The following SLC22A23 variants were observed in gnomAD, a reference collection of about 807,000 sequenced individuals.
The protein encoded by SLC22A23 is ion transporter protein.
SLC22A23 carries 26 observed loss-of-function variants against 61.0 expected under a neutral mutation model. The observed-to-expected ratio is 0.43, with a 90% CI of 0.31 to 0.59. The LOEUF (loss-of-function observed/expected upper bound fraction) is 0.59. SLC22A23 is among the 20% of genes least tolerant of loss of function. The pLI is 0.11. For synonymous variants in SLC22A23, 430 were observed against 413.9 expected, an observed-to-expected ratio of 1.04 and a Z score of -0.47; for missense variants, 796 against 934.7, an observed-to-expected ratio of 0.85 and a Z score of 1.94.
At position 3,392,206 on chromosome 6, in the gene SLC22A23, G is replaced by A. The variant is rs1181299907; in HGVS notation, c.913+17982C>T. ...GTGAAAAGTGGTACCCATGACTTCT[G>A]AGCAGTGACCTGAAGGGGAAGGAGT... On this transcript the variant is annotated intron_variant, in intron 3 of 9. Transcript: ENST00000406686. 1.1e-4 allele frequency among the ~76,000 whole-genome samples: 16 copies of A among 152,316 alleles called. No homozygotes were observed. The East Asian group carries it at 2.9e-3, about 28-fold the overall frequency.
At chr6:3,409,182 G>T (rs1769037748) in intron 3 of SLC22A23, among the ~76,000 whole-genome samples, 2 of 152,216 alleles carry the variant, frequency 1.3e-5, no homozygotes, top group Admixed American at 1.3e-4. Context: ...ACTGGAAAAG[G>T]TGATTTCTAA....
intron 3 of SLC22A23, among the ~76,000 whole-genome samples, chr6:3,376,225 A>C (rs1431569698): frequency 1.3e-5 from 2 of 152,164 alleles, no homozygotes; most frequent in Non-Finnish European, 2.9e-5. Flanking sequence ...AAGACTGGAC[A>C]CCCAGCTGCC....
In SLC22A23 at chr6:3,329,958, C is replaced by T. The variant is rs1303282426; in HGVS notation, c.914-5956G>A. ...AAACACAATTCCTGGAACAGGCCTG[C>T]GGAACGAGAAATCCTTCCAGAGGCC... On this transcript the variant is annotated intron_variant, in intron 3 of 9. Transcript: ENST00000406686. This position sits in a 1 kb window ranked among gnomAD's most constrained non-coding sequence, Gnocchi z 4.8. 3.3e-5 allele frequency among the ~76,000 whole-genome samples: 5 copies of T among 152,186 alleles called. No individual in the cohort carries two copies. Among genetic ancestry groups the T allele is most frequent in the African/African-American group, 4.8e-5 (2 of 41,438 alleles).
chr6:3,289,977 G>T (rs897747593), intron 5 of SLC22A23, 111 bp from the exon 6 acceptor site: 150 of 529,668 alleles, frequency 2.8e-4, no homozygotes, highest in East Asian at 5.9e-4. Context: ...AAGGGAGAGA[G>T]AAGCTTTTTT....
intron 1 of SLC22A23, among the ~76,000 whole-genome samples, chr6:3,444,243 G>A (rs1771766017): frequency 6.6e-6 from 1 of 152,088 alleles, no homozygotes; most frequent in Admixed American, 6.5e-5. Context: ...TTGTGTGGAG[G>A]GAGATCTGCT....
chr6:3,384,524 G>A (rs1205416166), intron 3 of SLC22A23, among the ~76,000 whole-genome samples: 1 of 152,216 alleles, frequency 6.6e-6, no homozygotes, highest in African/African-American at 2.4e-5. Flanking sequence ...GAACAGAGCT[G>A]CCTTTTGGTT....
At chr6:3,282,049 C>T (rs889592690) in intron 9 of SLC22A23, among the ~76,000 whole-genome samples, 1 of 152,178 alleles carries the variant, frequency 6.6e-6, no homozygotes, top group Non-Finnish European at 1.5e-5. Flanking sequence ...TGATGCCTAC[C>T]AACTGCCAGA....
chr6:3,453,508 T>C (rs1772249461), intron 1 of SLC22A23, among the ~76,000 whole-genome samples: 1 of 152,158 alleles, frequency 6.6e-6, no homozygotes, highest in African/African-American at 2.4e-5. Flanking sequence ...GGATTCTAAC[T>C]GGCTTGACAG....
At chr6:3,359,093 T>C (rs1765284373) in intron 3 of SLC22A23, among the ~76,000 whole-genome samples, 1 of 152,116 alleles carries the variant, frequency 6.6e-6, no homozygotes, top group Non-Finnish European at 1.5e-5. Context: ...CCTTTATTAA[T>C]TTAGTGCAAT....
chr6:3,415,231 T>C (rs887928821), intron 2 of SLC22A23, among the ~76,000 whole-genome samples: 2 of 152,178 alleles, frequency 1.3e-5, no homozygotes, highest in Non-Finnish European at 2.9e-5. Context: ...AAATGCTCTT[T>C]ATCACTCAAG....
At chr6:3,313,379 G>A (rs1037869651) in intron 4 of SLC22A23, 15 of 151,964 alleles carry the variant, frequency 9.9e-5, no homozygotes, top group Non-Finnish European at 2.2e-4. Flanking sequence ...GTTTCCTATT[G>A]ATCTCTCAAA....
Position 3,427,525 on chromosome 6 carries a change from A to C in SLC22A23, c.655-11670T>G, listed in dbSNP as rs1446816810. 2.0e-5 allele frequency among the ~76,000 whole-genome samples: 3 copies of C among 152,112 alleles called. No homozygotes were observed. The highest frequency in any genetic ancestry group is 4.4e-5 in the Non-Finnish European group (3 of 68,024). ...GGATGGAAGACGCCCTCCAGGGAGC[A>C]GCTGTGTTCATAGCTGGGAGATGCT... On this transcript the variant is annotated intron_variant, in intron 1 of 9. Coordinates refer to ENST00000406686, the MANE Select transcript of SLC22A23 (RefSeq NM_015482.2). This position sits in a 1 kb window ranked among gnomAD's most constrained non-coding sequence, Gnocchi z 4.3.
chr6:3,326,544 AAT>A (rs1763294018), intron 3 of SLC22A23, among the ~76,000 whole-genome samples: 1 of 152,200 alleles, frequency 6.6e-6, no homozygotes, highest in South Asian at 2.1e-4. Context: ...GGAGAAGTGG[AAT>A]AATTTTCTGA....
In SLC22A23 at chr6:3,270,748, C is replaced by G. The variant is rs983904711; in HGVS notation, c.*2307G>C. ...TTTTATTGTCATTTGAGGTGGAGATCAGAGATCATGACCAGAAGAGTGTGA... is the reference window on the plus strand; with the variant it reads ...TTTTATTGTCATTTGAGGTGGAGATGAGAGATCATGACCAGAAGAGTGTGA... On this transcript the variant is annotated 3_prime_UTR_variant, in exon 10 of 10. Transcript: ENST00000406686. 6.6e-6 allele frequency: 1 copy of G among 152,134 alleles called. No homozygotes were observed. Among genetic ancestry groups the G allele is most frequent in the African/African-American group, 2.4e-5 (1 of 41,340 alleles). 9.4% of individuals were successfully genotyped at this position (152,134 alleles called of 1,614,324 possible).
intron 3 of SLC22A23, among the ~76,000 whole-genome samples, chr6:3,399,246 A>AAATGTGC (rs1363872570): frequency 6.6e-6 from 1 of 152,138 alleles, no homozygotes; most frequent in African/African-American, 2.4e-5. Flanking sequence ...TCACATCATA[A>AAATGTGC]AATGTGCAAA....
chr6:3,372,464 G>A lies in SLC22A23; in HGVS notation c.913+37724C>T, dbSNP rs1766286162. Among the ~76,000 whole-genome samples the A allele has an allele frequency of 6.6e-6, 1 of 152,244 alleles. No individual in the cohort carries two copies. Among genetic ancestry groups the A allele is most frequent in the Admixed American group, 6.5e-5 (1 of 15,284 alleles). On this transcript the variant is annotated intron_variant, in intron 3 of 9. Coordinates refer to ENST00000406686, the MANE Select transcript of SLC22A23 (RefSeq NM_015482.2). The surrounding 1 kb of genome is among the most constrained non-coding windows in gnomAD (Gnocchi z 4.7). ...AGAGCAGGGCATGAGGAGAAGTCCA[G>A]GGAGATCTTTCTTACACTTGAGCTT...
chr6:3,392,233 T>C (rs1174368393), intron 3 of SLC22A23, among the ~76,000 whole-genome samples: 2 of 152,196 alleles, frequency 1.3e-5, no homozygotes, highest in African/African-American at 4.8e-5. Flanking sequence ...GGAAGGAGTG[T>C]TCCTTCTTCC....
intron 4 of SLC22A23, among the ~76,000 whole-genome samples, chr6:3,320,559 A>G (rs1254049071): frequency 6.6e-6 from 1 of 152,248 alleles, no homozygotes; most frequent in Non-Finnish European, 1.5e-5. Flanking sequence ...ATATGTTGCT[A>G]CCAACAGCTG....
At chr6:3,335,949 C>T (rs1210845414) in intron 3 of SLC22A23, among the ~76,000 whole-genome samples, 2 of 152,024 alleles carry the variant, frequency 1.3e-5, no homozygotes, top group African/African-American at 2.4e-5. Context: ...ATTAGCCGGG[C>T]GCGGTGGCGG....
Sources: allele counts gnomAD v4.1 joint callset (sites outside exome capture counted in the v4.1 genomes callset), GRCh38; gene constraint gnomAD v4.1.1; non-coding constraint Gnocchi (gnomAD v3.1); transcripts MANE v1.5; gene names NCBI Gene and HGNC (gene_info 2026-07-23, HGNC 2026-07-21).